The following WSB1 variants were observed in gnomAD, a reference collection of about 807,000 sequenced individuals.
The protein encoded by WSB1 is WD repeat and SOCS box containing 1.
In WSB1, 23 loss-of-function variants were observed where a neutral mutation model predicts 50.2. The observed-to-expected ratio is 0.46, with a 90% CI of 0.33 to 0.65. The LOEUF (loss-of-function observed/expected upper bound fraction) is 0.65. Among genes scored for constraint, WSB1 ranks in the 30% least tolerant of loss-of-function variants. The pLI is 0.02. For missense variants in WSB1, 492 were observed against 522.3 expected (o/e 0.94, Z 0.56); for synonymous variants, 179 against 172.0 (o/e 1.04, Z -0.32).
In WSB1 at chr17:27,310,237, G is replaced by A. The variant is rs548780162; in HGVS notation, c.998+63G>A. On this transcript the variant is annotated intron_variant, in intron 7 of 8. Coordinates refer to ENST00000262394, the MANE Select transcript of WSB1 (RefSeq NM_015626.10). ...ACCTTTTACATTCTTAAGCCTTAAA[G>A]CCTTTCTGCAGTTAAGAGTTTTAAT... is the stretch of plus-strand genomic sequence containing the variant. The A allele has an allele frequency of 2.4e-5, 36 of 1,487,908 alleles. No individual in the cohort carries two copies. The African/African-American group carries it at 4.7e-4, about 19-fold the overall frequency. 92.2% of individuals were successfully genotyped at this position (1,487,908 alleles called of 1,614,324 possible).
intron 4 of WSB1, among the ~76,000 whole-genome samples, chr17:27,305,907 A>G (rs2017430793): frequency 6.6e-6 from 1 of 152,220 alleles, no homozygotes; most frequent in Admixed American, 6.5e-5. Flanking sequence ...GTCTTAGTAA[A>G]ATATAAGCTC....
Position 27,303,460 on chromosome 17 carries a change from A to T in WSB1, c.303A>T (p.Glu101Asp), listed in dbSNP as rs2017319024. 1.9e-6 allele frequency: 3 copies of T among 1,614,044 alleles called. No individual in the cohort carries two copies. The African/African-American group carries it at 4.0e-5, about 22-fold the overall frequency. The change falls in exon 3 of 9, where the codon GAA becomes GAT. Residue 101 changes from glutamate to aspartate, a missense_variant. Physicochemically the swap from Glu to Asp is conservative, Grantham distance 45. Transcript: ENST00000262394. ...GTGGTCAGAAAAATAAGCCTCGTGA[A>T]CATATTATAGACTGTGGAGATATAG... The part of the protein sequence containing the change: ...SDGGQKNKPR[E>D]HIIDCGDIVW...
At position 27,310,241 on chromosome 17, in the gene WSB1, T is replaced by C. The variant is rs2017625235; in HGVS notation, c.998+67T>C. ...TTTACATTCTTAAGCCTTAAAGCCT[T>C]TCTGCAGTTAAGAGTTTTAATGTCT... On this transcript the variant is annotated intron_variant, in intron 7 of 8. Transcript: ENST00000262394. 8 of 1,460,378 alleles carry C rather than the reference T, an allele frequency of 5.5e-6. No individual in the cohort carries two copies. In the South Asian group the frequency reaches 9.2e-5, roughly 17 times the overall value. The allele number at this position is 1,460,378 out of a possible 1,614,324, so 90.5% of individuals were successfully genotyped here.
intron 1 of WSB1, among the ~76,000 whole-genome samples, chr17:27,295,409 G>T (rs2016914036): frequency 6.6e-6 from 1 of 152,186 alleles, no homozygotes. Context: ...TAGCCAAAAC[G>T]CGCACTATTT....
Position 27,294,220 on chromosome 17 carries a change from G to A in WSB1, c.-176G>A, listed in dbSNP as rs1259296496. The stretch of plus-strand genomic sequence containing the variant: ...GGTTGACTCCGTACTTTGGTCTGAG[G>A]CCTTCGGGAGCTTTCCCGAGGCAGT... On this transcript the variant is annotated 5_prime_UTR_variant, in exon 1 of 9. Transcript: ENST00000262394. The A allele has an allele frequency of 2.7e-6, 2 of 741,568 alleles. No homozygotes were observed. Among genetic ancestry groups the A allele is most frequent in the African/African-American group, 1.8e-5 (1 of 56,242 alleles). The allele number at this position is 741,568 out of a possible 1,614,324, so 45.9% of individuals were successfully genotyped here. A position where few individuals can be genotyped will look rare whatever the true frequency, so the allele number is the denominator to read the frequency against.
At chr17:27,307,881 A>C in intron 5 of WSB1, 1 of 1,449,672 alleles carries the variant, frequency 6.9e-7, no homozygotes. Flanking sequence ...GGATGAAGTA[A>C]CCTTGCATTC....
intron 1 of WSB1, 151 bp from the exon 2 acceptor site, chr17:27,301,637 G>A: frequency 4.5e-6 from 3 of 665,160 alleles, no homozygotes; most frequent in Non-Finnish European, 7.3e-6. Context: ...TTCATATACT[G>A]CATACCCCCC....
In WSB1 at chr17:27,306,829, T is replaced by A. The variant is rs760239084; in HGVS notation, c.658T>A (p.Cys220Ser). The A allele has an allele frequency of 3.7e-6, 6 of 1,614,082 alleles. No homozygotes were observed. The highest frequency in any genetic ancestry group is 3.3e-4 in the Middle Eastern group (2 of 6,084). ...GGGGCATCAGAATTGGGTGTACAGCTGTGCATTCTCTCCTGACTCTTCTAT... is the reference window on the plus strand; with the variant it reads ...GGGGCATCAGAATTGGGTGTACAGCAGTGCATTCTCTCCTGACTCTTCTAT... Reference protein sequence around the residue: ...LRGHQNWVYSCAFSPDSSMLC... With the variant: ...LRGHQNWVYSSAFSPDSSMLC... Residue 220 changes from cysteine (C) to serine (S), a missense_variant, in exon 5 of 9, where the codon TGT becomes AGT. By Grantham distance (112) the Cys-to-Ser change is moderately radical (BLOSUM62 -1). Coordinates refer to ENST00000262394, the MANE Select transcript of WSB1 (RefSeq NM_015626.10).
Position 27,294,874 on chromosome 17 carries a change from A to G in WSB1, c.40+439A>G, listed in dbSNP as rs72845631. On this transcript the variant is annotated intron_variant, in intron 1 of 8. Transcript: ENST00000262394. Reference sequence around the variant, plus strand: ...TACCAACCACTCTTAGATAGAAATGAGATGGAAGAGGTCCCAACAGCCTGG... The same window carrying G: ...TACCAACCACTCTTAGATAGAAATGGGATGGAAGAGGTCCCAACAGCCTGG... Among the ~76,000 whole-genome samples, 548 of 152,334 alleles carry G rather than the reference A, an allele frequency of 3.6e-3. 3 individuals are homozygous for G. The highest frequency in any genetic ancestry group is 6.7e-3 in the Non-Finnish European group (459 of 68,030).
At chr17:27,310,600 A>G (rs1597770627) in intron 7 of WSB1, among the ~76,000 whole-genome samples, 1 of 152,256 alleles carries the variant, frequency 6.6e-6, no homozygotes, top group South Asian at 2.1e-4. Flanking sequence ...CTTGTTGGTA[A>G]GAAGCAGAAA....
rs3751921 is a variant in WSB1, at chr17:27,315,289, A to T, written c.*2920A>T. On this transcript the variant is annotated 3_prime_UTR_variant, in exon 9 of 9. Transcript: ENST00000262394. ...TGGCAGATCATTTATGTTCAGATTT[A>T]ATTTTCTGTTTTAGAATCCCATGGA... 1 of 152,006 alleles carries T rather than the reference A, an allele frequency of 6.6e-6. No individual in the cohort carries two copies. Among genetic ancestry groups the T allele is most frequent in the Non-Finnish European group, 1.5e-5 (1 of 67,978 alleles). 9.4% of individuals were successfully genotyped at this position (152,006 alleles called of 1,614,324 possible).
At position 27,294,537 on chromosome 17, in the gene WSB1, TC is replaced by T; in HGVS notation, c.40+104del. The T allele has an allele frequency of 2.6e-6, 4 of 1,511,534 alleles. No homozygotes were observed. In the South Asian group the frequency reaches 3.6e-5, roughly 13 times the overall value. The allele number at this position is 1,511,534 out of a possible 1,614,324, so 93.6% of individuals were successfully genotyped here. A position where few individuals can be genotyped will look rare whatever the true frequency, so the allele number is the denominator to read the frequency against. On this transcript the variant is annotated intron_variant, in intron 1 of 8. Coordinates refer to ENST00000262394, the MANE Select transcript of WSB1 (RefSeq NM_015626.10). ...GCGACTCCAAGTCTGAGGGAAGAGC[TC>T]CAGTGCGCCAGGGCCAGCCCACTAG...
At chr17:27,311,763 C>T in intron 8 of WSB1, 147 bp downstream of exon 8, 1 of 623,242 alleles carries the variant, frequency 1.6e-6, no homozygotes, top group Non-Finnish European at 2.6e-6. Context: ...TCCCGAGTAG[C>T]TGGGACTACA....
chr17:27,313,790 C>T lies in WSB1; in HGVS notation c.*1421C>T, dbSNP rs1315315967. On this transcript the variant is annotated 3_prime_UTR_variant, in exon 9 of 9. Coordinates refer to ENST00000262394, the MANE Select transcript of WSB1 (RefSeq NM_015626.10). Reference sequence around the variant, plus strand: ...GCTCTAGAATTCATTCAGGGCTCCCCGAGTGCAGCAGCTCTTATGGTGGTT... The same window carrying T: ...GCTCTAGAATTCATTCAGGGCTCCCTGAGTGCAGCAGCTCTTATGGTGGTT... 2.6e-5 allele frequency: 4 copies of T among 152,102 alleles called. No homozygotes were observed. Among genetic ancestry groups the T allele is most frequent in the Non-Finnish European group, 4.4e-5 (3 of 68,030 alleles). The allele number at this position is 152,102 out of a possible 1,614,324, so 9.4% of individuals were successfully genotyped here.
rs923501239 is a variant in WSB1 at position 27,308,219 on chromosome 17, A to C, written c.712-881A>C. On this transcript the variant is annotated intron_variant, in intron 5 of 8. Coordinates refer to ENST00000262394, the MANE Select transcript of WSB1 (RefSeq NM_015626.10). ...TTGTGTCTGTGCAGAAAAAAAAAAA[A>C]CCAAAAAGGATTGCTTTACTCCAAG... The C allele has an allele frequency of 9.4e-6, 9 of 959,488 alleles. No individual in the cohort carries two copies. The African/African-American group carries it at 1.5e-4, about 15-fold the overall frequency. 59.4% of individuals were successfully genotyped at this position (959,488 alleles called of 1,614,324 possible).
At chr17:27,304,394 TAAC>T (rs1480447270) in intron 3 of WSB1, among the ~76,000 whole-genome samples, 9 of 151,996 alleles carry the variant, frequency 5.9e-5, no homozygotes, top group East Asian at 1.9e-4. Flanking sequence ...GCCAGGGAAA[TAAC>T]AAGCAAAGAA....
rs184635608 is a variant in WSB1 at position 27,298,194 on chromosome 17, G to A, written c.41-3594G>A. Among the ~76,000 whole-genome samples, 190 of 150,316 alleles carry A rather than the reference G, an allele frequency of 1.3e-3. 1 individual carries two copies. Among genetic ancestry groups the A allele is most frequent in the African/African-American group, 4.5e-3 (185 of 40,830 alleles). On this transcript the variant is annotated intron_variant, in intron 1 of 8. Transcript: ENST00000262394. ...AGTCTTGCTTATGCTTGCTAAGGGA[G>A]AGCTTAATTTTAGTCTCATTTACTA...
Position 27,308,941 on chromosome 17 carries a change from AT to A in WSB1, c.712-155del, listed in dbSNP as rs1298989003. 11 of 1,245,500 alleles carry A rather than the reference AT, an allele frequency of 8.8e-6. No individual in the cohort carries two copies. In the African/African-American group the frequency reaches 1.7e-4, roughly 19 times the overall value. 77.2% of individuals were successfully genotyped at this position (1,245,500 alleles called of 1,614,324 possible). On this transcript the variant is annotated intron_variant, in intron 5 of 8. Transcript: ENST00000262394. ...TCTGCCTTAATTAACTTAAAGACTG[AT>A]TTTAATCTGACTATGACACTGAGCA...
chr17:27,312,401 A>G lies in WSB1; in HGVS notation c.*32A>G, dbSNP rs1388250638. ...CTGCCTTCCCTAGTAGTAGGGACTG[A>G]CAGAATACACTTAACACAAACCTCA... is the stretch of plus-strand genomic sequence containing the variant. On this transcript the variant is annotated 3_prime_UTR_variant, in exon 9 of 9. Coordinates refer to ENST00000262394, the MANE Select transcript of WSB1 (RefSeq NM_015626.10). 2 of 1,605,388 alleles carry G rather than the reference A, an allele frequency of 1.2e-6. No homozygotes were observed. The highest frequency in any genetic ancestry group is 2.2e-5 in the East Asian group (1 of 44,836).
Sources: gnomAD v4.1 joint callset for allele counts (sites outside exome capture counted in the v4.1 genomes callset) on GRCh38, gnomAD v4.1.1 for gene constraint, MANE v1.5 for transcripts, NCBI Gene and HGNC (gene_info 2026-07-23, HGNC 2026-07-21) for gene names.